RSAD2: variants seen among roughly 807,000 people sequenced by gnomAD.
RSAD2 encodes radical S-adenosyl methionine domain containing 2, also known as S-adenosylmethionine-dependent nucleotide dehydratase RSAD2.
Under a neutral mutation model 37.7 loss-of-function variants are expected in RSAD2, and 38 were observed. That is an observed-to-expected ratio of 1.01 (90% confidence interval 0.78 to 1.32). The LOEUF (loss-of-function observed/expected upper bound fraction) is 1.32, where lower values mean the gene tolerates loss of function less well. RSAD2 is among the 40% of genes most tolerant of loss of function. RSAD2 has a pLI of 0.00. For missense variants in RSAD2, 428 were observed against 437.5 expected, an observed-to-expected ratio of 0.98 and a Z score of 0.19; for synonymous variants, 163 against 157.4, an observed-to-expected ratio of 1.04 and a Z score of -0.27.
At chr2:6,890,432 C>T (rs750422166) in intron 4 of RSAD2, 107 bp downstream of exon 4, 23 of 1,236,128 alleles carry the variant, frequency 1.9e-5, no homozygotes, top group African/African-American at 3.0e-5. Flanking sequence ...TTAGAGGGTT[C>T]GGTGGTGAGA....
At chr2:6,890,119 TG>T (rs1418080345) in intron 3 of RSAD2, 56 bp from the exon 4 acceptor site, 1 of 1,575,984 alleles carries the variant, frequency 6.3e-7, no homozygotes, top group African/African-American at 1.4e-5. Context: ...GAGTGAGGTT[TG>T]GGGGAAAACA....
At chr2:6,886,604 T>A in intron 2 of RSAD2, among the ~76,000 whole-genome samples, 1 of 152,224 alleles carries the variant, frequency 6.6e-6, no homozygotes, top group East Asian at 1.9e-4. Context: ...GGCATCCAAA[T>A]ATATCTACCT....
chr2:6,881,833 C>T (rs907271129), intron 1 of RSAD2, among the ~76,000 whole-genome samples: 1 of 151,762 alleles, frequency 6.6e-6, no homozygotes, highest in Admixed American at 6.6e-5. Context: ...AGCCCATCCT[C>T]CTAGAACGCA....
At chr2:6,879,088 C>T (rs908404558) in intron 1 of RSAD2, 7 of 455,948 alleles carry the variant, frequency 1.5e-5, no homozygotes, top group African/African-American at 1.2e-4. Flanking sequence ...TTTGCCTGAT[C>T]CTGTACTTTA....
At chr2:6,865,974 G>C (rs1288013272) in exon 1 of RSAD2, 1 of 972,696 alleles carries the variant, frequency 1.0e-6, no homozygotes, top group Non-Finnish European at 1.4e-6. Flanking sequence ...GCGGCTCCGC[G>C]GGCCTGCGCG....
At position 6,891,781 on chromosome 2, in the gene RSAD2, CA is replaced by C. The variant is rs551159544; in HGVS notation, c.888+1461del. ...ACTCTGTCTCAAACAAACAAACAAA[CA>C]AAAAGAATAATACCAAAAAAAAATA... is the stretch of plus-strand genomic sequence containing the variant. On this transcript the variant is annotated intron_variant, in intron 4 of 5. Transcript: ENST00000382040. 4.0e-5 allele frequency among the ~76,000 whole-genome samples: 6 copies of C among 151,376 alleles called. No individual in the cohort carries two copies. The South Asian group carries it at 1.3e-3, about 32-fold the overall frequency.
At chr2:6,867,291 G>T (rs1285761836) in intron 1 of RSAD2, among the ~76,000 whole-genome samples, 2 of 152,162 alleles carry the variant, frequency 1.3e-5, no homozygotes, top group Non-Finnish European at 2.9e-5. Flanking sequence ...TGCCAGCAGG[G>T]TTTGCTTTTT....
intron 1 of RSAD2, among the ~76,000 whole-genome samples, chr2:6,872,488 G>C (rs1440268171): frequency 6.6e-6 from 1 of 152,166 alleles, no homozygotes; most frequent in Non-Finnish European, 1.5e-5. Flanking sequence ...AAGCTATTTA[G>C]GGCAGAGGGC....
At chr2:6,877,646 G>A (rs951565207), upstream of RSAD2, 7 of 616,604 alleles carry the variant, frequency 1.1e-5, no homozygotes, top group African/African-American at 1.3e-4. Flanking sequence ...AGTTTCACAT[G>A]TGGAAAAATC....
chr2:6,884,971 G>C (rs1663487149), intron 2 of RSAD2, among the ~76,000 whole-genome samples: 1 of 152,196 alleles, frequency 6.6e-6, no homozygotes, highest in Admixed American at 6.5e-5. Flanking sequence ...TTCCACCTCT[G>C]GCTTAATGGG....
At chr2:6,895,713 T>C in intron 5 of RSAD2, 65 bp from the exon 6 acceptor site, 1 of 1,410,230 alleles carries the variant, frequency 7.1e-7, no homozygotes. Flanking sequence ...GGATTAATAG[T>C]CTAGATTGAG....
In RSAD2 at chr2:6,897,947, A is replaced by G. The variant is rs1480362505; in HGVS notation, c.*2005A>G. ...TGAAGGCAGAGGTTACAGAGCCAAG[A>G]TAGCGCCACTGCACTCCAGCCTGGA... On this transcript the variant is annotated 3_prime_UTR_variant, in exon 6 of 6. Transcript: ENST00000382040. 1 of 149,830 alleles carries G rather than the reference A, an allele frequency of 6.7e-6. No homozygotes were observed. Among genetic ancestry groups the G allele is most frequent in the Non-Finnish European group, 1.5e-5 (1 of 67,578 alleles). The allele number at this position is 149,830 out of a possible 1,614,324, so 9.3% of individuals were successfully genotyped here.
Position 6,898,081 on chromosome 2 carries a change from G to A in RSAD2, c.*2139G>A, listed in dbSNP as rs1663817999. 1 of 151,626 alleles carries A rather than the reference G, an allele frequency of 6.6e-6. No homozygotes were observed. The highest frequency in any genetic ancestry group is 2.1e-4 in the South Asian group (1 of 4,814). The allele number at this position is 151,626 out of a possible 1,614,324, so 9.4% of individuals were successfully genotyped here. ...CAAGGACACTGTTTGATATACAGCA[G>A]GTATTCAATCAGTGTTATTTGAAAC... is the stretch of plus-strand genomic sequence containing the variant. On this transcript the variant is annotated 3_prime_UTR_variant, in exon 6 of 6. Transcript: ENST00000382040.
chr2:6,871,821 T>C (rs1467288455), intron 1 of RSAD2, among the ~76,000 whole-genome samples: 2 of 152,226 alleles, frequency 1.3e-5, no homozygotes, highest in African/African-American at 4.8e-5. Context: ...TATCACTTAG[T>C]AATTTTTAGG....
At position 6,895,869 on chromosome 2, in the gene RSAD2, T is replaced by G. The variant is rs778492796; in HGVS notation, c.1013T>G (p.Phe338Cys). ...GAAGAAGCTATAAAATTCAGTGGATTTGATGAAAAGATGTTTCTGAAGCGA... is the reference window on the plus strand; with the variant it reads ...GAAGAAGCTATAAAATTCAGTGGATGTGATGAAAAGATGTTTCTGAAGCGA... ...GVEEAIKFSG[F>C]DEKMFLKRGG... The change falls in exon 6 of 6, where the codon TTT (phenylalanine) becomes TGT (cysteine). Residue 338 changes from phenylalanine (F) to cysteine (C), a missense_variant. Transcript: ENST00000382040. The G allele has an allele frequency of 6.2e-7, 1 of 1,614,098 alleles. No individual in the cohort carries two copies. The highest frequency in any genetic ancestry group is 1.1e-5 in the South Asian group (1 of 91,064).
chr2:6,885,639 A>G (rs1198677323), intron 2 of RSAD2, among the ~76,000 whole-genome samples: 1 of 152,246 alleles, frequency 6.6e-6, no homozygotes, highest in Non-Finnish European at 1.5e-5. Context: ...AGCTGAGGAC[A>G]GGAGGATAGT....
upstream of RSAD2, chr2:6,876,730 A>G (rs1663288586): frequency 6.6e-6 from 1 of 152,260 alleles, no homozygotes. Flanking sequence ...TGACAGTATC[A>G]GAATAACAGG....
chr2:6,893,447 C>T (rs1663670447), intron 4 of RSAD2, among the ~76,000 whole-genome samples: 1 of 152,162 alleles, frequency 6.6e-6, no homozygotes, highest in South Asian at 2.1e-4. Context: ...TGATGTGTGA[C>T]CTTTTCAGCA....
intron 5 of RSAD2, among the ~76,000 whole-genome samples, chr2:6,894,273 A>T (rs1261045592): frequency 7.2e-6 from 1 of 139,044 alleles, no homozygotes; most frequent in Non-Finnish European, 1.6e-5. Context: ...TGAAAAACAA[A>T]TCACTTTCCC....
Sources: gnomAD v4.1 joint callset for allele counts (sites outside exome capture counted in the v4.1 genomes callset) on GRCh38, gnomAD v4.1.1 for gene constraint, MANE v1.5 for transcripts, NCBI Gene and HGNC (gene_info 2026-07-23, HGNC 2026-07-21) for gene names.